FOXP1: variants seen among roughly 807,000 people sequenced by gnomAD.
FOXP1 encodes the protein forkhead box P1.
Under a neutral mutation model 98.2 loss-of-function variants are expected in FOXP1, and 15 were observed. That is an observed-to-expected ratio of 0.15 (90% CI 0.10 to 0.24). The LOEUF (loss-of-function observed/expected upper bound fraction) is 0.24. Ranked by LOEUF, FOXP1 falls within the 10% of genes least tolerant of loss-of-function variation. The pLI is 1.00. For missense variants in FOXP1, 633 were observed against 848.5 expected (o/e 0.75, Z 3.15); for synonymous variants, 371 against 314.5 (o/e 1.18, Z -1.90).
chr3:71,027,760 A>G (rs1018530266), intron 11 of FOXP1, among the ~76,000 whole-genome samples: 1 of 152,182 alleles, frequency 6.6e-6, no homozygotes, highest in Non-Finnish European at 1.5e-5. Context: ...TCACCCTCTT[A>G]GCCACCAATT....
At chr3:71,073,269 T>C (rs1035662463) in intron 7 of FOXP1, among the ~76,000 whole-genome samples, 2 of 152,238 alleles carry the variant, frequency 1.3e-5, no homozygotes, top group Non-Finnish European at 2.9e-5. Flanking sequence ...CCCTTTTTCA[T>C]CCGTTCACCC....
chr3:71,038,561 G>A (rs1189341023), intron 11 of FOXP1, among the ~76,000 whole-genome samples: 1 of 152,050 alleles, frequency 6.6e-6, no homozygotes, highest in African/African-American at 2.4e-5. Flanking sequence ...TATTTAACTG[G>A]TTATCACACG....
chr3:71,413,160 C>T (rs1028955683), intron 3 of FOXP1, among the ~76,000 whole-genome samples: 2 of 124,414 alleles, frequency 1.6e-5, no homozygotes, highest in African/African-American at 6.3e-5. Context: ...ACATAACCCC[C>T]AAATAGACAC....
In FOXP1 at chr3:71,106,179, G is replaced by A. The variant is rs534566645; in HGVS notation, c.282+6357C>T. 3.9e-5 allele frequency among the ~76,000 whole-genome samples: 6 copies of A among 152,252 alleles called. No individual in the cohort carries two copies. In the South Asian group the frequency reaches 1.2e-3, roughly 32 times the overall value. On this transcript the variant is annotated intron_variant, in intron 7 of 20. Coordinates refer to ENST00000649528, the MANE Select transcript of FOXP1 (RefSeq NM_001349338.3). The stretch of plus-strand genomic sequence containing the variant: ...ATACTACAGAGTAGCTAAGGAGCTG[G>A]CCCACGTTCAGCACTGACTAAACAT...
At chr3:71,000,288 T>C (rs912879252) in intron 13 of FOXP1, among the ~76,000 whole-genome samples, 1 of 112,820 alleles carries the variant, frequency 8.9e-6, no homozygotes, top group Non-Finnish European at 1.7e-5. Context: ...AATGGGTTTC[T>C]AAATACTAGA....
At chr3:71,058,622 T>G (rs2051016021) in intron 7 of FOXP1, among the ~76,000 whole-genome samples, 1 of 148,540 alleles carries the variant, frequency 6.7e-6, no homozygotes, top group African/African-American at 2.5e-5. Context: ...AAAAAAAAAC[T>G]ATGCCAAGTT....
chr3:70,977,085 A>G, intron 16 of FOXP1, 43 bp from the exon 17 acceptor site: 2 of 1,276,814 alleles, frequency 1.6e-6, no homozygotes, highest in East Asian at 2.3e-5. Flanking sequence ...TGACCAAATC[A>G]GCAGAGTCGT....
chr3:71,350,752 C>A (rs1396421041), intron 4 of FOXP1, among the ~76,000 whole-genome samples: 2 of 152,196 alleles, frequency 1.3e-5, no homozygotes, highest in East Asian at 3.9e-4. Flanking sequence ...GTTCCTTCCA[C>A]CCTGTAATTC....
At chr3:71,290,273 A>C (rs190295609) in intron 5 of FOXP1, among the ~76,000 whole-genome samples, 63 of 152,330 alleles carry the variant, frequency 4.1e-4, no homozygotes, top group Non-Finnish European at 2.9e-5. Context: ...GTTTCTGCCC[A>C]TAAGCAATCC....
intron 5 of FOXP1, among the ~76,000 whole-genome samples, chr3:71,279,103 G>T (rs1424951237): frequency 2.2e-5 from 3 of 137,852 alleles, no homozygotes; most frequent in Non-Finnish European, 4.6e-5. Flanking sequence ...AGAGTCAGGA[G>T]AATTGCTTGA....
At chr3:71,381,771 C>T (rs1251555089) in intron 3 of FOXP1, among the ~76,000 whole-genome samples, 1 of 152,048 alleles carries the variant, frequency 6.6e-6, no homozygotes, top group Admixed American at 6.6e-5. Context: ...ACAAAGAACT[C>T]CTTTTAGTAA....
chr3:71,310,861 C>G (rs2074631389), intron 4 of FOXP1, among the ~76,000 whole-genome samples: 1 of 152,194 alleles, frequency 6.6e-6, no homozygotes, highest in Non-Finnish European at 1.5e-5. Flanking sequence ...ACAGCTGGAG[C>G]CAGATGACAG....
At chr3:71,475,544 T>C (rs781390932) in intron 3 of FOXP1, among the ~76,000 whole-genome samples, 2 of 152,070 alleles carry the variant, frequency 1.3e-5, no homozygotes, top group Non-Finnish European at 1.5e-5. Context: ...AATTTGGCCA[T>C]TTAAAATGTA....
At chr3:71,196,250 G>T (rs2063293425) in intron 6 of FOXP1, among the ~76,000 whole-genome samples, 1 of 152,182 alleles carries the variant, frequency 6.6e-6, no homozygotes, top group Non-Finnish European at 1.5e-5. Context: ...TTCCAAAGTG[G>T]ACACAGCCAA....
intron 2 of FOXP1, chr3:71,541,962 C>A (rs759945524): frequency 1.1e-5 from 6 of 532,400 alleles, no homozygotes; most frequent in South Asian, 8.5e-5. Flanking sequence ...CATCACGCCG[C>A]GCGAGACAGA....
intron 4 of FOXP1, among the ~76,000 whole-genome samples, chr3:71,322,128 T>C (rs751939312): frequency 6.6e-6 from 1 of 152,234 alleles, no homozygotes; most frequent in Non-Finnish European, 1.5e-5. Flanking sequence ...TCTTACATCA[T>C]TCATTCCGTT....
intron 12 of FOXP1, among the ~76,000 whole-genome samples, chr3:71,013,338 T>G (rs1402235012): frequency 6.6e-6 from 1 of 152,152 alleles, no homozygotes. Flanking sequence ...ATGGGTCCAA[T>G]CACCCAGCTG....
chr3:71,409,815 A>T (rs879509263), intron 3 of FOXP1, among the ~76,000 whole-genome samples: 1 of 152,174 alleles, frequency 6.6e-6, no homozygotes, highest in Non-Finnish European at 1.5e-5. Flanking sequence ...GGAGTTTGAG[A>T]CCAGCCTGGG....
At chr3:71,123,208 C>A (rs1335975640) in intron 6 of FOXP1, among the ~76,000 whole-genome samples, 1 of 152,146 alleles carries the variant, frequency 6.6e-6, no homozygotes, top group African/African-American at 2.4e-5. Context: ...GCAGCAGTGT[C>A]CCCTGATATC....
Sources: gnomAD v4.1 joint callset for allele counts (sites outside exome capture counted in the v4.1 genomes callset) on GRCh38, gnomAD v4.1.1 for gene constraint, MANE v1.5 for transcripts, NCBI Gene and HGNC (gene_info 2026-07-23, HGNC 2026-07-21) for gene names.